Variants in UTP11 observed in about 807,000 individuals in gnomAD.
UTP11 encodes UTP11 small subunit processome component, also known as probable U3 small nucleolar RNA-associated protein 11.
A neutral mutation model predicts 39.0 loss-of-function variants in UTP11; 29 were observed. That is an observed-to-expected ratio of 0.74 (90% CI 0.55 to 1.01). The LOEUF is 1.01. Among genes scored for constraint, UTP11 ranks in the 50% least tolerant of loss-of-function variants. The pLI is 0.00. For synonymous variants in UTP11, 111 were observed against 105.0 expected, an observed-to-expected ratio of 1.06 and a Z score of -0.35; for missense variants, 281 against 306.0, an observed-to-expected ratio of 0.92 and a Z score of 0.61.
intron 4 of UTP11, 34 bp from the exon 5 acceptor site, chr1:38,019,020 AGAATC>A (rs1202066912): frequency 6.6e-7 from 1 of 1,514,398 alleles, no homozygotes; most frequent in African/African-American, 1.4e-5. Context: ...GTACCCTAGA[AGAATC>A]TAATATAAAG....
intron 1 of UTP11, 126 bp downstream of exon 1, chr1:38,012,991 T>C: frequency 8.6e-7 from 1 of 1,162,318 alleles, no homozygotes; most frequent in Non-Finnish European, 1.2e-6. Context: ...AAATGTATGT[T>C]AATGACGCTG....
chr1:38,019,131 T>C lies in UTP11; in HGVS notation c.415T>C (p.Phe139Leu). The C allele has an allele frequency of 6.2e-6, 10 of 1,613,978 alleles. No homozygotes were observed. The highest frequency in any genetic ancestry group is 8.5e-6 in the Non-Finnish European group (10 of 1,179,944). Residue 139 changes from phenylalanine (F) to leucine (L), a missense_variant, in exon 5 of 8, where the codon TTT becomes CTT. Physicochemically the swap from Phe to Leu is conservative, Grantham distance 22 (BLOSUM62 0). Transcript: ENST00000373014. The stretch of plus-strand genomic sequence containing the variant: ...GAAGCAACAGAACAAGCATGTGTTC[T>C]TTTTTGACACCAAAAAGGAAGGTAT... The part of the protein sequence containing the change: ...QGKQQNKHVF[F>L]FDTKKEVEQF...
At chr1:38,015,769 C>A (rs1646704253) in intron 1 of UTP11, among the ~76,000 whole-genome samples, 1 of 152,178 alleles carries the variant, frequency 6.6e-6, no homozygotes, top group African/African-American at 2.4e-5. Flanking sequence ...TAAACTCATG[C>A]TGGAAAGCTG....
Position 38,022,791 on chromosome 1 carries a change from AAC to A in UTP11, c.663_664del (p.Arg222GlnfsTer6), listed in dbSNP as rs1557771212. ...KLFVIAQKIQ[T>X]RKDLMDKTQK... ...TGTTCGTTATTGCTCAGAAAATTCAAACACGCAAAGATCTTATGGTGAGGAGA... is the reference window on the plus strand; with the variant it reads ...TGTTCGTTATTGCTCAGAAAATTCAAACGCAAAGATCTTATGGTGAGGAGA... On this transcript the variant is annotated frameshift_variant, in exon 7 of 8. Coordinates refer to ENST00000373014, the MANE Select transcript of UTP11 (RefSeq NM_016037.4). LOFTEE classifies it high-confidence loss of function. 6.2e-7 allele frequency: 1 copy of A among 1,613,674 alleles called. No homozygotes were observed. Among genetic ancestry groups the A allele is most frequent in the East Asian group, 2.2e-5 (1 of 44,872 alleles).
intron 6 of UTP11, 102 bp from the exon 7 acceptor site, chr1:38,022,596 GT>G: frequency 1.4e-6 from 1 of 726,422 alleles, no homozygotes; most frequent in Non-Finnish European, 2.4e-6. Context: ...AAAGAAGGGA[GT>G]TGATGAAACT....
At chr1:38,022,646 C>A in intron 6 of UTP11, 53 bp from the exon 7 acceptor site, 1 of 1,240,522 alleles carries the variant, frequency 8.1e-7, no homozygotes, top group Non-Finnish European at 1.2e-6. Flanking sequence ...CAGTTTCTTA[C>A]TCATTTTTGT....
chr1:38,022,949 G>A, intron 7 of UTP11, 140 bp downstream of exon 7: 2 of 637,144 alleles, frequency 3.1e-6, no homozygotes, highest in Non-Finnish European at 2.7e-6. Flanking sequence ...AGTGGTTTGA[G>A]CCAGTGTCTG....
Position 38,017,649 on chromosome 1 carries a change from C to A in UTP11, c.126-19C>A. 7.9e-6 allele frequency: 11 copies of A among 1,396,522 alleles called. No individual in the cohort carries two copies. The highest frequency in any genetic ancestry group is 1.5e-5 in the African/African-American group (1 of 65,950). 86.5% of individuals were successfully genotyped at this position (1,396,522 alleles called of 1,614,324 possible). A position where few individuals can be genotyped will look rare whatever the true frequency, so the allele number is the denominator to read the frequency against. ...ATTTTTTTTTTTTTGCTATGAACCT[C>A]ATTTAACCTGTCTTTTAGTGACTAC... On this transcript the variant is annotated intron_variant, in intron 2 of 7. Coordinates refer to ENST00000373014, the MANE Select transcript of UTP11 (RefSeq NM_016037.4).
At chr1:38,017,482 C>T (rs760582343) in intron 2 of UTP11, 186 bp from the exon 3 acceptor site, 40 of 451,210 alleles carry the variant, frequency 8.9e-5, no homozygotes, top group Admixed American at 8.4e-4. Context: ...GTGGACCCTG[C>T]GAAGACATGA....
chr1:38,018,560 A>ACCCT lies in UTP11; in HGVS notation c.325_326insCCCT (p.Arg109ThrfsTer7). The ACCCT allele has an allele frequency of 6.2e-7, 1 of 1,610,082 alleles. No individual in the cohort carries two copies. The highest frequency in any genetic ancestry group is 8.5e-7 in the Non-Finnish European group (1 of 1,177,024). On this transcript the variant is annotated frameshift_variant, in exon 4 of 8. Transcript: ENST00000373014. LOFTEE classifies it high-confidence loss of function. ...GGACGTCAAATATATAGAAATGAAG[A>ACCCT]GGGTTGCAGAAGCTAAGGTAATTCA...
intron 6 of UTP11, 49 bp from the exon 7 acceptor site, chr1:38,022,649 AT>A: frequency 1.5e-6 from 2 of 1,298,982 alleles, no homozygotes; most frequent in Non-Finnish European, 2.2e-6. Context: ...TTTCTTACTC[AT>A]TTTTGTCCTG....
chr1:38,012,900 T>C, intron 1 of UTP11, 35 bp downstream of exon 1: 1 of 1,613,844 alleles, frequency 6.2e-7, no homozygotes, highest in Admixed American at 1.7e-5. Flanking sequence ...TGCTGGCCTT[T>C]GTCGCCATGT....
intron 7 of UTP11, 38 bp downstream of exon 7, chr1:38,022,847 TCC>T: frequency 2.3e-6 from 3 of 1,281,164 alleles, no homozygotes; most frequent in Admixed American, 4.1e-5. Context: ...TTTTTTTTTT[TCC>T]CCCTTTTCTT....
chr1:38,023,253 A>G (rs1368370558), intron 7 of UTP11, among the ~76,000 whole-genome samples: 2 of 152,198 alleles, frequency 1.3e-5, no homozygotes, highest in Non-Finnish European at 2.9e-5. Flanking sequence ...CATTTAGGTC[A>G]GCCTTTCTCA....
Position 38,023,746 on chromosome 1 carries a change from T to C in UTP11, c.*118T>C. ...CCGGTTTGTAACCATAACTAAATTG[T>C]CAGTCTGACATTTAATGTCTTTCTA... On this transcript the variant is annotated 3_prime_UTR_variant, in exon 8 of 8. Transcript: ENST00000373014. 4.0e-6 allele frequency: 3 copies of C among 756,216 alleles called. No homozygotes were observed. Among genetic ancestry groups the C allele is most frequent in the Non-Finnish European group, 6.1e-6 (3 of 488,182 alleles). 46.8% of individuals were successfully genotyped at this position (756,216 alleles called of 1,614,324 possible).
chr1:38,017,842 G>A, intron 3 of UTP11, 72 bp downstream of exon 3: 2 of 1,351,152 alleles, frequency 1.5e-6, no homozygotes, highest in Non-Finnish European at 2.1e-6. Context: ...AGGAGATGGA[G>A]AGGAAGAATC....
Position 38,024,688 on chromosome 1 carries a change from TGAGCCACCGC to T in UTP11, c.*1062_*1071del, listed in dbSNP as rs967721941. On this transcript the variant is annotated 3_prime_UTR_variant, in exon 8 of 8. Transcript: ENST00000373014. ...TCCCAAAGTGCTGGGATTACAGGCG[TGAGCCACCGC>T]GCCCGGCCGATGTCCTACTTTTTAA... The T allele has an allele frequency of 1.3e-5, 2 of 151,882 alleles. No individual in the cohort carries two copies. The highest frequency in any genetic ancestry group is 4.8e-5 in the African/African-American group (2 of 41,332). 9.4% of individuals were successfully genotyped at this position (151,882 alleles called of 1,614,324 possible).
intron 6 of UTP11, among the ~76,000 whole-genome samples, chr1:38,020,294 G>C (rs762204559): frequency 6.6e-6 from 1 of 151,834 alleles, no homozygotes; most frequent in African/African-American, 2.4e-5. Flanking sequence ...GTAGAAACGG[G>C]GTCTCGCTAA....
At chr1:38,015,115 C>T (rs1448183577) in intron 1 of UTP11, among the ~76,000 whole-genome samples, 4 of 152,130 alleles carry the variant, frequency 2.6e-5, no homozygotes, top group African/African-American at 7.2e-5. Context: ...CTCCGCCTCC[C>T]GTGTTCAAGC....
Sources: gnomAD v4.1 joint callset for allele counts (sites outside exome capture counted in the v4.1 genomes callset) on GRCh38, gnomAD v4.1.1 for gene constraint, MANE v1.5 for transcripts, NCBI Gene and HGNC (gene_info 2026-07-23, HGNC 2026-07-21) for gene names.